Variants in PTPRF observed in about 807,000 individuals in gnomAD.
The protein encoded by PTPRF is receptor-type tyrosine-protein phosphatase F.
In PTPRF, 59 loss-of-function variants were observed where a neutral mutation model predicts 201.8. The observed-to-expected ratio is 0.29, with a 90% CI of 0.24 to 0.36. The LOEUF (loss-of-function observed/expected upper bound fraction) is 0.36. Among genes scored for constraint, PTPRF ranks in the 10% least tolerant of loss-of-function variants. The pLI, the probability that PTPRF is intolerant of heterozygous loss-of-function variation, is 1.00. For missense variants in PTPRF, 2,132 were observed against 2,690.5 expected (o/e 0.79, Z 4.59); for synonymous variants, 1,088 against 1,089.7 (o/e 1.00, Z 0.03).
intron 1 of PTPRF, among the ~76,000 whole-genome samples, chr1:43,534,005 A>G (rs1643865910): frequency 1.3e-5 from 2 of 152,206 alleles, no homozygotes; most frequent in Non-Finnish European, 2.9e-5. Flanking sequence ...GAACATTGCA[A>G]GAGTTCATCA....
chr1:43,608,124 A>G (rs1655581388), intron 21 of PTPRF, among the ~76,000 whole-genome samples: 1 of 152,136 alleles, frequency 6.6e-6, no homozygotes, highest in African/African-American at 2.4e-5. Flanking sequence ...GTCCCTAAGG[A>G]GTGTCCCACA....
At chr1:43,577,751 C>G (rs1478937320) in intron 6 of PTPRF, among the ~76,000 whole-genome samples, 6 of 152,148 alleles carry the variant, frequency 3.9e-5, no homozygotes, top group Non-Finnish European at 7.4e-5. Flanking sequence ...CTGTTCTGTG[C>G]AGGAGGTGGT....
chr1:43,522,816 G>T (rs995185668), upstream of PTPRF, among the ~76,000 whole-genome samples: 2 of 152,182 alleles, frequency 1.3e-5, no homozygotes, highest in Non-Finnish European at 2.9e-5. Context: ...GTTGGATGAG[G>T]TGGGGAGGTA....
chr1:43,583,126 T>C, intron 7 of PTPRF: 1 of 983,256 alleles, frequency 1.0e-6, no homozygotes, highest in Non-Finnish European at 1.2e-6. Flanking sequence ...CCATCTACAG[T>C]TCGCCCATCG....
rs528309923 is a variant in PTPRF at position 43,538,092 on chromosome 1, C to CT, written c.-125-98dup. 9.6e-4 allele frequency: 381 copies of CT among 396,214 alleles called. 1 individual carries two copies. The highest frequency in any genetic ancestry group is 3.8e-3 in the Middle Eastern group (6 of 1,580). The allele number at this position is 396,214 out of a possible 1,614,324, so 24.5% of individuals were successfully genotyped here. A position where few individuals can be genotyped will look rare whatever the true frequency, so the allele number is the denominator to read the frequency against. On this transcript the variant is annotated intron_variant, in intron 1 of 33. Transcript: ENST00000359947. The stretch of plus-strand genomic sequence containing the variant: ...TCTACATGAACATTTCCATAACCTG[C>CT]TTTTTTTTCTGCATAAACAGCAAAT...
intron 11 of PTPRF, among the ~76,000 whole-genome samples, chr1:43,595,332 A>G (rs1009857371): frequency 8.7e-5 from 13 of 148,914 alleles, no homozygotes; most frequent in Non-Finnish European, 1.8e-4. Context: ...CTCCTGCCTC[A>G]GCCTCCCGAG....
Position 43,622,233 on chromosome 1 carries a change from C to T in PTPRF, c.*230C>T, listed in dbSNP as rs919246218. 24 of 551,200 alleles carry T rather than the reference C, an allele frequency of 4.4e-5. No individual in the cohort carries two copies. The highest frequency in any genetic ancestry group is 7.1e-5 in the Non-Finnish European group (22 of 308,774). The allele number at this position is 551,200 out of a possible 1,614,324, so 34.1% of individuals were successfully genotyped here. ...AGGCAGGCACTGTGGCCCTTCTGTC[C>T]ACCAGACCCACCTGGAGCCCGCTTC... On this transcript the variant is annotated 3_prime_UTR_variant, in exon 34 of 34. Coordinates refer to ENST00000359947, the MANE Select transcript of PTPRF (RefSeq NM_002840.5).
chr1:43,526,254 A>G (rs1373256668), upstream of PTPRF, among the ~76,000 whole-genome samples: 3 of 152,040 alleles, frequency 2.0e-5, no homozygotes, highest in African/African-American at 7.3e-5. Context: ...TAACTCCTGT[A>G]TCATTTCTCC....
chr1:43,564,107 T>G (rs147555293), intron 5 of PTPRF, among the ~76,000 whole-genome samples: 140 of 152,244 alleles, frequency 9.2e-4, no homozygotes, highest in African/African-American at 3.3e-3. Context: ...AGGTGGGAGT[T>G]TGCTCTTGGA....
chr1:43,606,942 T>G lies in PTPRF; in HGVS notation c.3831T>G (p.Ile1277Met). ...TGGCAGTCATCCTCATCATCCTCAT[T>G]GTCATCGCCATCCTCTTGTTCAAAA... ...PVLAVILIIL[I>M]VIAILLFKRK... Residue 1277 changes from isoleucine (I) to methionine (M), a missense_variant, in exon 21 of 34, where the codon ATT (isoleucine) becomes ATG (methionine). Transcript: ENST00000359947. 1 of 1,614,128 alleles carries G rather than the reference T, an allele frequency of 6.2e-7. No individual in the cohort carries two copies. Among genetic ancestry groups the G allele is most frequent in the African/African-American group, 1.3e-5 (1 of 75,040 alleles).
chr1:43,593,310 G>A (rs546079138), intron 11 of PTPRF, among the ~76,000 whole-genome samples: 1 of 152,324 alleles, frequency 6.6e-6, no homozygotes, highest in African/African-American at 2.4e-5. Flanking sequence ...CAGCACCTGT[G>A]TATGTGCATC....
chr1:43,532,224 A>C (rs1570852039), intron 1 of PTPRF, among the ~76,000 whole-genome samples: 1 of 149,932 alleles, frequency 6.7e-6, no homozygotes, highest in Non-Finnish European at 1.5e-5. Flanking sequence ...TGGTTCTTCC[A>C]CCCCGGAGGG....
chr1:43,581,602 C>T (rs1395904918), intron 7 of PTPRF, among the ~76,000 whole-genome samples: 1 of 152,260 alleles, frequency 6.6e-6, no homozygotes, highest in African/African-American at 2.4e-5. Flanking sequence ...AAAACCCCTG[C>T]CTTCTGCCCT....
chr1:43,558,655 C>A (rs962342355), intron 5 of PTPRF, among the ~76,000 whole-genome samples: 1 of 152,208 alleles, frequency 6.6e-6, no homozygotes, highest in Non-Finnish European at 1.5e-5. Context: ...CTTCTCGCTC[C>A]GCACTCTTGA....
intron 30 of PTPRF, 62 bp from the exon 31 acceptor site, chr1:43,620,392 G>A (rs1658917965): frequency 6.5e-7 from 1 of 1,547,480 alleles, no homozygotes; most frequent in Admixed American, 1.8e-5. Context: ...ATCCTGTGAA[G>A]CCTGGCACCC....
chr1:43,589,249 T>C (rs1166375113), intron 8 of PTPRF, among the ~76,000 whole-genome samples: 1 of 152,122 alleles, frequency 6.6e-6, no homozygotes, highest in Non-Finnish European at 1.5e-5. Flanking sequence ...GCAAGCACAG[T>C]TGATTTTGTT....
intron 13 of PTPRF, among the ~76,000 whole-genome samples, chr1:43,599,142 C>T (rs1292795157): frequency 1.3e-5 from 2 of 152,152 alleles, no homozygotes; most frequent in Admixed American, 6.5e-5. Flanking sequence ...GAGCTTCACT[C>T]TTGTCGCCTA....
At chr1:43,525,540 C>T (rs772011519), upstream of PTPRF, among the ~76,000 whole-genome samples, 2 of 152,008 alleles carry the variant, frequency 1.3e-5, no homozygotes, top group Non-Finnish European at 2.9e-5. Context: ...TGGTGGCTCA[C>T]GCCTGTAATC....
chr1:43,539,084 A>T (rs1255625895), intron 2 of PTPRF, among the ~76,000 whole-genome samples: 1 of 152,200 alleles, frequency 6.6e-6, no homozygotes, highest in Non-Finnish European at 1.5e-5. Flanking sequence ...ACAAAAGTGC[A>T]GATTTGCATT....
Sources: gnomAD v4.1 joint callset for allele counts (sites outside exome capture counted in the v4.1 genomes callset) on GRCh38, gnomAD v4.1.1 for gene constraint, MANE v1.5 for transcripts, NCBI Gene and HGNC (gene_info 2026-07-23, HGNC 2026-07-21) for gene names.